Variants in TRIP12 observed in about 807,000 individuals in gnomAD.
TRIP12 encodes the protein thyroid hormone receptor interactor 12.
A neutral mutation model predicts 244.2 loss-of-function variants in TRIP12; 25 were observed. The observed-to-expected ratio is 0.10, with a 90% confidence interval of 0.07 to 0.14. The LOEUF is 0.14. Ranked by LOEUF, TRIP12 falls within the 10% of genes least tolerant of loss-of-function variation. TRIP12 has a pLI of 1.00. For missense variants in TRIP12, 1,677 were observed against 2,486.4 expected (o/e 0.67, Z 6.92); for synonymous variants, 905 against 873.1 (o/e 1.04, Z -0.64).
At chr2:229,799,491 G>A (rs1263777947) in intron 21 of TRIP12, 108 bp from the exon 22 acceptor site, 7 of 1,005,046 alleles carry the variant, frequency 7.0e-6, no homozygotes, top group Non-Finnish European at 1.1e-5. Context: ...ATAAAATACT[G>A]TCAGGCCGGG....
chr2:229,782,245 T>C (rs1187276586), intron 34 of TRIP12, among the ~76,000 whole-genome samples: 2 of 152,036 alleles, frequency 1.3e-5, no homozygotes, highest in East Asian at 3.9e-4. Flanking sequence ...CCGTATCTCT[T>C]ATGCCAGCAG....
chr2:229,817,048 T>C (rs566399545), intron 9 of TRIP12, among the ~76,000 whole-genome samples: 128 of 152,326 alleles, frequency 8.4e-4, no homozygotes, highest in Non-Finnish European at 1.6e-3. Context: ...TGTTCTATCC[T>C]TTATCAAACT....
intron 9 of TRIP12, among the ~76,000 whole-genome samples, chr2:229,817,922 T>C (rs2048910578): frequency 6.6e-6 from 1 of 152,072 alleles, no homozygotes; most frequent in Non-Finnish European, 1.5e-5. Flanking sequence ...ACTGAAAGGA[T>C]CCACATATAT....
Position 229,860,315 on chromosome 2 carries a change from G to A in TRIP12, c.224+91C>T, listed in dbSNP as rs529794644. On this transcript the variant is annotated intron_variant, in intron 3 of 41. Transcript: ENST00000675903. ...GAATAATGAAAATATGTATCAAAAC[G>A]TTTTGGAATAACCTCAAGTTTTAAC... 2.1e-5 allele frequency: 30 copies of A among 1,453,948 alleles called. No homozygotes were observed. The Middle Eastern group carries it at 6.1e-4, about 30-fold the overall frequency. 90.1% of individuals were successfully genotyped at this position (1,453,948 alleles called of 1,614,324 possible). A position where few individuals can be genotyped will look rare whatever the true frequency, so the allele number is the denominator to read the frequency against.
At chr2:229,886,269 T>C (rs2065987863) in intron 1 of TRIP12, among the ~76,000 whole-genome samples, 1 of 152,164 alleles carries the variant, frequency 6.6e-6, no homozygotes, top group Non-Finnish European at 1.5e-5. Flanking sequence ...AGTTCACGTT[T>C]GAATTAAGGG....
intron 2 of TRIP12, among the ~76,000 whole-genome samples, chr2:229,869,546 T>G (rs564148638): frequency 6.6e-6 from 1 of 152,246 alleles, no homozygotes; most frequent in East Asian, 1.9e-4. Context: ...TGTATCCCCA[T>G]TCCCCCTACC....
intron 1 of TRIP12, among the ~76,000 whole-genome samples, chr2:229,897,196 G>A (rs2154366572): frequency 6.6e-6 from 1 of 152,196 alleles, no homozygotes; most frequent in East Asian, 1.9e-4. Context: ...CCTCCATAGT[G>A]AAAAAGGGTT....
chr2:229,786,698 G>A lies in TRIP12; in HGVS notation c.4995+807C>T, dbSNP rs368821765. On this transcript the variant is annotated intron_variant, in intron 33 of 41. Coordinates refer to ENST00000675903, the MANE Select transcript of TRIP12 (RefSeq NM_001348323.3). Reference sequence around the variant, plus strand: ...TCCCAAAGTGCTGGGATTACAGGCAGGAGCCACCACACACCGGGCCCAAGA... The same window carrying A: ...TCCCAAAGTGCTGGGATTACAGGCAAGAGCCACCACACACCGGGCCCAAGA... 2.7e-5 allele frequency among the ~76,000 whole-genome samples: 4 copies of A among 150,744 alleles called. No individual in the cohort carries two copies. In the East Asian group the frequency reaches 5.9e-4, roughly 22 times the overall value.
At chr2:229,893,244 T>C (rs1299137869) in intron 1 of TRIP12, among the ~76,000 whole-genome samples, 2 of 152,230 alleles carry the variant, frequency 1.3e-5, no homozygotes, top group African/African-American at 2.4e-5. Flanking sequence ...TCAAAGTAAG[T>C]TGCAGGCACC....
chr2:229,786,158 T>G (rs537546736), intron 33 of TRIP12, among the ~76,000 whole-genome samples: 1 of 152,244 alleles, frequency 6.6e-6, no homozygotes, highest in African/African-American at 2.4e-5. Context: ...ATCAGTGCAA[T>G]TCTCAGGGCT....
intron 4 of TRIP12, among the ~76,000 whole-genome samples, chr2:229,845,852 C>CA (rs2057459459): frequency 8.5e-6 from 1 of 118,166 alleles, no homozygotes; most frequent in South Asian, 3.1e-4. Context: ...ATAGTTTCTA[C>CA]AAAAAATTAC....
intron 2 of TRIP12, among the ~76,000 whole-genome samples, chr2:229,862,621 T>G (rs13020559): frequency 0.26 from 39,661 of 152,192 alleles, 6,359 homozygotes; most frequent in Middle Eastern, 0.44. Context: ...TAGACAACTT[T>G]GTGAAAAATA....
chr2:229,774,976 C>CA (rs2035766080), intron 37 of TRIP12, among the ~76,000 whole-genome samples: 1 of 152,006 alleles, frequency 6.6e-6, no homozygotes, highest in Admixed American at 6.6e-5. Flanking sequence ...ACTTAAGGAT[C>CA]AAAAACCAAC....
intron 8 of TRIP12, among the ~76,000 whole-genome samples, chr2:229,826,745 C>T (rs1331884345): frequency 3.3e-5 from 5 of 151,786 alleles, no homozygotes; most frequent in South Asian, 2.1e-4. Context: ...AGTTGTAATG[C>T]GTATTTGTAT....
intron 8 of TRIP12, among the ~76,000 whole-genome samples, chr2:229,820,429 C>G (rs1404382179): frequency 6.6e-6 from 1 of 152,092 alleles, no homozygotes; most frequent in Non-Finnish European, 1.5e-5. Context: ...TGAGGAGAAA[C>G]CAACTCCTAG....
In TRIP12 at chr2:229,766,262, T is replaced by C. The variant is rs2031691508; in HGVS notation, c.*1292A>G. 6.6e-6 allele frequency: 1 copy of C among 152,184 alleles called. No homozygotes were observed. Among genetic ancestry groups the C allele is most frequent in the Admixed American group, 6.5e-5 (1 of 15,274 alleles). 9.4% of individuals were successfully genotyped at this position (152,184 alleles called of 1,614,324 possible). A position where few individuals can be genotyped will look rare whatever the true frequency, so the allele number is the denominator to read the frequency against. ...AGTTTCTTCAAGTTGCTATTATAAA[T>C]TGTTTGAATAGCAAAATCAGCCATG... On this transcript the variant is annotated 3_prime_UTR_variant, in exon 42 of 42. Coordinates refer to ENST00000675903, the MANE Select transcript of TRIP12 (RefSeq NM_001348323.3).
At chr2:229,891,883 T>C (rs2067446366) in intron 1 of TRIP12, among the ~76,000 whole-genome samples, 1 of 152,210 alleles carries the variant, frequency 6.6e-6, no homozygotes, top group Non-Finnish European at 1.5e-5. Flanking sequence ...CACTGCAGTA[T>C]GTCACTGTGG....
intron 2 of TRIP12, among the ~76,000 whole-genome samples, chr2:229,877,544 T>TA (rs1175535511): frequency 2.6e-5 from 4 of 151,938 alleles, no homozygotes; most frequent in African/African-American, 9.7e-5. Context: ...AAAAATAAAT[T>TA]AAAAAAAATT....
chr2:229,858,682 A>G lies in TRIP12; in HGVS notation c.1027+90T>C, dbSNP rs550298680. ...TCTAAGATTATCTAAGACTGGGGGGAAAAAACCCTTAACTTTAAAGCATAA... is the reference window on the plus strand; with the variant it reads ...TCTAAGATTATCTAAGACTGGGGGGGAAAAACCCTTAACTTTAAAGCATAA... On this transcript the variant is annotated intron_variant, in intron 4 of 41. Transcript: ENST00000675903. 12 of 1,166,322 alleles carry G rather than the reference A, an allele frequency of 1.0e-5. No homozygotes were observed. In the South Asian group the frequency reaches 1.3e-4, roughly 13 times the overall value. The allele number at this position is 1,166,322 out of a possible 1,614,324, so 72.2% of individuals were successfully genotyped here.
Sources: gnomAD v4.1 joint callset for allele counts (sites outside exome capture counted in the v4.1 genomes callset) on GRCh38, gnomAD v4.1.1 for gene constraint, MANE v1.5 for transcripts, NCBI Gene and HGNC (gene_info 2026-07-23, HGNC 2026-07-21) for gene names.